CNTN4: variants seen among roughly 807,000 people sequenced by gnomAD.
CNTN4 encodes the protein contactin 4.
A neutral mutation model predicts 122.5 loss-of-function variants in CNTN4; 77 were observed. The observed-to-expected ratio is 0.63, with a 90% CI of 0.52 to 0.76. The LOEUF (loss-of-function observed/expected upper bound fraction) is 0.76, where lower values mean the gene tolerates loss of function less well. CNTN4 is among the 30% of genes least tolerant of loss of function. The pLI is 0.00. For missense variants in CNTN4, 1,256 were observed against 1,259.1 expected, an observed-to-expected ratio of 1.00 and a Z score of 0.04; for synonymous variants, 512 against 447.0, an observed-to-expected ratio of 1.15 and a Z score of -1.83.
At chr3:2,765,377 C>CT (rs1170934319) in intron 6 of CNTN4, among the ~76,000 whole-genome samples, 1 of 152,116 alleles carries the variant, frequency 6.6e-6, no homozygotes, top group African/African-American at 2.4e-5. Context: ...GCTGATAGTG[C>CT]TTTTTTTCCG....
chr3:2,104,978 G>A (rs180972784), intron 2 of CNTN4, among the ~76,000 whole-genome samples: 299 of 152,228 alleles, frequency 2.0e-3, no homozygotes, highest in African/African-American at 6.4e-3. Context: ...TTAAGGATTG[G>A]AGCATGGGAA....
At chr3:2,942,554 G>A (rs1185994667) in intron 13 of CNTN4, among the ~76,000 whole-genome samples, 1 of 152,196 alleles carries the variant, frequency 6.6e-6, no homozygotes, top group African/African-American at 2.4e-5. Flanking sequence ...ATCATGTGGT[G>A]ATGGAGGACA....
At chr3:2,905,427 A>G (rs28631619) in intron 12 of CNTN4, among the ~76,000 whole-genome samples, 17,098 of 152,218 alleles carry the variant, frequency 0.11, 3,238 homozygotes, top group African/African-American at 0.39. Context: ...GTGTTTGCAC[A>G]TGGCAGAAGG....
chr3:2,524,463 G>A (rs746585441), intron 3 of CNTN4, among the ~76,000 whole-genome samples: 1 of 152,004 alleles, frequency 6.6e-6, no homozygotes, highest in Non-Finnish European at 1.5e-5. Context: ...AATCGTTTTT[G>A]TGTGGACATA....
At chr3:2,788,553 A>G (rs1016820879) in intron 6 of CNTN4, among the ~76,000 whole-genome samples, 1 of 152,214 alleles carries the variant, frequency 6.6e-6, no homozygotes, top group African/African-American at 2.4e-5. Context: ...TTTAAATACT[A>G]TTATTTGGCT....
At chr3:2,362,593 T>C in intron 3 of CNTN4, 2 of 518,924 alleles carry the variant, frequency 3.9e-6, no homozygotes, top group Admixed American at 4.4e-5. Flanking sequence ...CTTGGACACC[T>C]ACTCCTTGTG....
intron 6 of CNTN4, among the ~76,000 whole-genome samples, chr3:2,753,209 C>A (rs569322813): frequency 6.6e-6 from 1 of 152,250 alleles, no homozygotes; most frequent in South Asian, 2.1e-4. Context: ...AGCACAAGCC[C>A]TGGAGTCAGA....
intron 4 of CNTN4, among the ~76,000 whole-genome samples, chr3:2,692,598 A>G (rs577293780): frequency 6.6e-6 from 1 of 152,312 alleles, no homozygotes; most frequent in Admixed American, 6.5e-5. Flanking sequence ...GCAACAGTAT[A>G]TCATGAACAG....
At chr3:2,415,901 C>T (rs2047394260) in intron 3 of CNTN4, among the ~76,000 whole-genome samples, 1 of 152,072 alleles carries the variant, frequency 6.6e-6, no homozygotes, top group African/African-American at 2.4e-5. Flanking sequence ...ACTCTAGAAG[C>T]TTAATAACCA....
rs367945722 is a variant in CNTN4 at position 2,447,147 on chromosome 3, A to G, written c.-89+107914A>G. ...CTTTTTTTCTCCCAGTCAACACATT[A>G]CATATACCTCTATTTAACATTTATT... On this transcript the variant is annotated intron_variant, in intron 3 of 24. Transcript: ENST00000418658. Among the ~76,000 whole-genome samples, 14 of 152,310 alleles carry G rather than the reference A, an allele frequency of 9.2e-5. No homozygotes were observed. The South Asian group carries it at 2.9e-3, about 32-fold the overall frequency.
intron 4 of CNTN4, among the ~76,000 whole-genome samples, chr3:2,702,861 G>T (rs931187759): frequency 1.3e-5 from 2 of 152,186 alleles, no homozygotes; most frequent in African/African-American, 4.8e-5. Context: ...TTCTTTTGTA[G>T]TTTGTTCCGT....
Position 3,026,233 on chromosome 3 carries a change from ATAGAC to A in CNTN4, c.1620_1624del (p.Asp541Ter). ...TACTTGGTCATTTAATGGACACCTG[ATAGAC>A]TTTGACAGAGATGGGGACCACTTTG... On this transcript the variant is annotated frameshift_variant, in exon 15 of 25. Coordinates refer to ENST00000418658, the MANE Select transcript of CNTN4 (RefSeq NM_175607.3). LOFTEE classifies it high-confidence loss of function. 6.2e-7 allele frequency: 1 copy of A among 1,613,530 alleles called. No individual in the cohort carries two copies. Among genetic ancestry groups the A allele is most frequent in the Non-Finnish European group, 8.5e-7 (1 of 1,179,558 alleles).
intron 21 of CNTN4, 25 bp from the exon 22 acceptor site, chr3:3,042,952 A>G: frequency 6.3e-7 from 1 of 1,598,376 alleles, no homozygotes; most frequent in Non-Finnish European, 8.6e-7. Context: ...TATGGTTTCC[A>G]AGGTCTTTCT....
intron 2 of CNTN4, among the ~76,000 whole-genome samples, chr3:2,104,998 G>C (rs1257435906): frequency 2.0e-5 from 3 of 152,198 alleles, no homozygotes; most frequent in Non-Finnish European, 4.4e-5. Context: ...ACCAGGTCTT[G>C]TCGGGAAGAG....
At chr3:2,987,602 G>A (rs1056252769) in intron 13 of CNTN4, among the ~76,000 whole-genome samples, 1 of 152,230 alleles carries the variant, frequency 6.6e-6, no homozygotes, top group African/African-American at 2.4e-5. Flanking sequence ...AAGCCAAGCT[G>A]TGTGTCTTAT....
At chr3:2,444,926 A>T (rs2048565330) in intron 3 of CNTN4, among the ~76,000 whole-genome samples, 2 of 152,004 alleles carry the variant, frequency 1.3e-5, no homozygotes, top group African/African-American at 4.8e-5. Flanking sequence ...ACTATTTATT[A>T]TCACTAGATA....
Position 2,539,911 on chromosome 3 carries a change from G to A in CNTN4, c.-88-31505G>A, listed in dbSNP as rs138731881. On this transcript the variant is annotated intron_variant, in intron 3 of 24. Coordinates refer to ENST00000418658, the MANE Select transcript of CNTN4 (RefSeq NM_175607.3). ...TGCCGGTGATTACTCAACTCTTGCA[G>A]TGTTAGATCTAGGAGGGAACTCAAG... Among the ~76,000 whole-genome samples the A allele has an allele frequency of 5.2e-3, 785 of 152,152 alleles. 9 individuals are homozygous for A. Among genetic ancestry groups the A allele is most frequent in the African/African-American group, 0.018 (745 of 41,544 alleles).
At position 2,429,447 on chromosome 3, in the gene CNTN4, C is replaced by T. The variant is rs187993168; in HGVS notation, c.-89+90214C>T. On this transcript the variant is annotated intron_variant, in intron 3 of 24. Coordinates refer to ENST00000418658, the MANE Select transcript of CNTN4 (RefSeq NM_175607.3). Reference sequence around the variant, plus strand: ...TGCCTGATCGTTCCTCTGGAAGCTTCGTCTCAGATGGGCACCCGGCCATAT... The same window carrying T: ...TGCCTGATCGTTCCTCTGGAAGCTTTGTCTCAGATGGGCACCCGGCCATAT... 5.9e-3 allele frequency among the ~76,000 whole-genome samples: 894 copies of T among 152,286 alleles called. 6 individuals are homozygous for T. Among genetic ancestry groups the T allele is most frequent in the Non-Finnish European group, 1.0e-2 (677 of 68,024 alleles).
At chr3:2,628,736 A>G (rs1401401948) in intron 4 of CNTN4, among the ~76,000 whole-genome samples, 2 of 152,224 alleles carry the variant, frequency 1.3e-5, no homozygotes, top group African/African-American at 4.8e-5. Context: ...ATGTGTAGAC[A>G]GTGGTAACTG....
Sources: gnomAD v4.1 joint callset for allele counts (sites outside exome capture counted in the v4.1 genomes callset) on GRCh38, gnomAD v4.1.1 for gene constraint, MANE v1.5 for transcripts, NCBI Gene and HGNC (gene_info 2026-07-23, HGNC 2026-07-21) for gene names.